ETV6: variants seen among roughly 807,000 people sequenced by gnomAD.
ETV6 encodes transcription factor ETV6.
ETV6 carries 16 observed loss-of-function variants against 51.1 expected under a neutral mutation model. The ratio of observed to expected loss-of-function variants is 0.31; its 90% CI spans 0.21 to 0.48. The LOEUF is 0.48. Among genes scored for constraint, ETV6 ranks in the 20% least tolerant of loss-of-function variants. ETV6 has a pLI of 0.99. For missense variants in ETV6, 458 were observed against 594.8 expected (o/e 0.77, Z 2.39); for synonymous variants, 240 against 224.1 (o/e 1.07, Z -0.64).
chr12:11,847,094 G>T (rs555424482), intron 3 of ETV6, among the ~76,000 whole-genome samples: 2 of 152,176 alleles, frequency 1.3e-5, no homozygotes, highest in Non-Finnish European at 2.9e-5. Context: ...ACGAGCAATA[G>T]TTGTGACATT....
At chr12:11,722,767 C>T (rs78813244) in intron 1 of ETV6, among the ~76,000 whole-genome samples, 2,148 of 152,292 alleles carry the variant, frequency 0.014, 86 homozygotes, top group East Asian at 0.14. Context: ...AGGCCAGATC[C>T]GGGGAGGAAG....
chr12:11,884,430 C>G lies in ETV6; in HGVS notation c.1010-15C>G. On this transcript the variant is annotated splice_polypyrimidine_tract_variant and intron_variant, in intron 5 of 7. Coordinates refer to ENST00000396373, the MANE Select transcript of ETV6 (RefSeq NM_001987.5). ...AACATTTTCAACAGTGTTTTCTTGC[C>G]CTTTTCCTCTGTAGACTGTAGACTG... 1 of 1,613,924 alleles carries G rather than the reference C, an allele frequency of 6.2e-7. No homozygotes were observed. The highest frequency in any genetic ancestry group is 8.5e-7 in the Non-Finnish European group (1 of 1,179,886).
chr12:11,729,935 A>G (rs1014170914), intron 1 of ETV6, among the ~76,000 whole-genome samples: 2 of 152,176 alleles, frequency 1.3e-5, no homozygotes, highest in Non-Finnish European at 2.9e-5. Context: ...GCTGATTCAC[A>G]AAGGCATTTA....
chr12:11,852,006 G>A (rs560685826), intron 3 of ETV6, among the ~76,000 whole-genome samples: 25 of 152,234 alleles, frequency 1.6e-4, no homozygotes, highest in South Asian at 1.2e-3. Context: ...AAAAAAAGTC[G>A]CTAAAATTAG....
intron 2 of ETV6, among the ~76,000 whole-genome samples, chr12:11,799,429 C>G (rs1174915920): frequency 6.6e-6 from 1 of 152,202 alleles, no homozygotes; most frequent in South Asian, 2.1e-4. Context: ...TGTTTGGAAT[C>G]TCTTGATTAG....
At chr12:11,654,105 C>T (rs1351721550) in intron 1 of ETV6, among the ~76,000 whole-genome samples, 3 of 152,100 alleles carry the variant, frequency 2.0e-5, no homozygotes, top group East Asian at 1.9e-4. Flanking sequence ...TGAGCCACTG[C>T]GTCCAGCGTA....
chr12:11,671,846 T>G (rs956093437), intron 1 of ETV6, among the ~76,000 whole-genome samples: 1 of 152,106 alleles, frequency 6.6e-6, no homozygotes, highest in African/African-American at 2.4e-5. Flanking sequence ...AACAGATTGG[T>G]TCAAGTCAAA....
intron 2 of ETV6, among the ~76,000 whole-genome samples, chr12:11,812,760 G>C (rs896711695): frequency 6.6e-6 from 1 of 152,214 alleles, no homozygotes; most frequent in Non-Finnish European, 1.5e-5. Context: ...GGAGGCTCCT[G>C]CGTGAAGGCC....
intron 1 of ETV6, among the ~76,000 whole-genome samples, chr12:11,682,344 T>A (rs560911476): frequency 6.6e-6 from 1 of 152,366 alleles, no homozygotes; most frequent in African/African-American, 2.4e-5. Flanking sequence ...TTCGTATGTT[T>A]GTTGACCGCA....
rs142951564 is a variant in ETV6, at chr12:11,873,256, G to T, written c.1009+3287G>T. ...TGCCAGTCTGTAGTCTGACAGTCTTGATTCTGTAACCCTCCCAAGAAAACA... is the reference window on the plus strand; with the variant it reads ...TGCCAGTCTGTAGTCTGACAGTCTTTATTCTGTAACCCTCCCAAGAAAACA... On this transcript the variant is annotated intron_variant, in intron 5 of 7. Transcript: ENST00000396373. 3.1e-3 allele frequency among the ~76,000 whole-genome samples: 467 copies of T among 152,202 alleles called. 4 individuals are homozygous for T. The highest frequency in any genetic ancestry group is 5.1e-3 in the Non-Finnish European group (344 of 67,998).
At chr12:11,727,353 C>T (rs1183111033) in intron 1 of ETV6, among the ~76,000 whole-genome samples, 1 of 152,180 alleles carries the variant, frequency 6.6e-6, no homozygotes, top group Non-Finnish European at 1.5e-5. Flanking sequence ...GTTGTGTAGG[C>T]GCTGTGGTGT....
At chr12:11,733,187 T>C (rs1477301148) in intron 1 of ETV6, among the ~76,000 whole-genome samples, 1 of 152,116 alleles carries the variant, frequency 6.6e-6, no homozygotes, top group Non-Finnish European at 1.5e-5. Flanking sequence ...AGCAGGCGGA[T>C]CATGAGGTCA....
At chr12:11,733,332 C>T (rs1003797941) in intron 1 of ETV6, among the ~76,000 whole-genome samples, 3 of 132,802 alleles carry the variant, frequency 2.3e-5, no homozygotes, top group Non-Finnish European at 4.6e-5. Context: ...GGCGTGAATC[C>T]GGGAGGCAGA....
At chr12:11,741,982 A>G (rs1303097089) in intron 1 of ETV6, among the ~76,000 whole-genome samples, 6 of 152,208 alleles carry the variant, frequency 3.9e-5, no homozygotes, top group Admixed American at 3.3e-4. Flanking sequence ...AGGTGATTCT[A>G]ATACACAGAT....
chr12:11,886,778 G>T (rs1591751298), intron 7 of ETV6, among the ~76,000 whole-genome samples: 1 of 152,264 alleles, frequency 6.6e-6, no homozygotes, highest in African/African-American at 2.4e-5. Flanking sequence ...AAGAAGGAGG[G>T]ATCTGAAGGA....
intron 1 of ETV6, among the ~76,000 whole-genome samples, chr12:11,681,735 C>G (rs969596640): frequency 2.0e-5 from 3 of 152,198 alleles, no homozygotes; most frequent in African/African-American, 4.8e-5. Context: ...CCCCCACCCA[C>G]TGACAGGCCC....
intron 1 of ETV6, among the ~76,000 whole-genome samples, chr12:11,666,647 G>GT (rs1228080026): frequency 6.6e-6 from 1 of 152,162 alleles, no homozygotes; most frequent in African/African-American, 2.4e-5. Flanking sequence ...TGAATAGCTC[G>GT]TTTTCTCCCT....
intron 2 of ETV6, among the ~76,000 whole-genome samples, chr12:11,775,234 A>G (rs577305546): frequency 3.7e-4 from 57 of 152,370 alleles, no homozygotes; most frequent in African/African-American, 1.0e-3. Context: ...CCTCAGGAAG[A>G]TGACTGGATG....
At chr12:11,872,279 G>T (rs577432803) in intron 5 of ETV6, among the ~76,000 whole-genome samples, 70 of 152,266 alleles carry the variant, frequency 4.6e-4, no homozygotes, top group African/African-American at 1.6e-3. Flanking sequence ...CTTGCTGCCC[G>T]TGGCTGCTGT....
Sources: allele counts gnomAD v4.1 joint callset (sites outside exome capture counted in the v4.1 genomes callset), GRCh38; gene constraint gnomAD v4.1.1; transcripts MANE v1.5; gene names NCBI Gene and HGNC (gene_info 2026-07-23, HGNC 2026-07-21).